Variants in FAM20A observed in about 807,000 individuals in gnomAD.
FAM20A encodes FAM20A golgi associated secretory pathway pseudokinase.
Under a neutral mutation model 52.0 loss-of-function variants are expected in FAM20A, and 42 were observed. The ratio of observed to expected loss-of-function variants is 0.81; its 90% CI spans 0.63 to 1.04. The LOEUF is 1.04. Ranked by LOEUF, FAM20A falls within the 50% of genes least tolerant of loss-of-function variation. FAM20A has a pLI of 0.00. For missense variants in FAM20A, 742 were observed against 712.7 expected, an observed-to-expected ratio of 1.04 and a Z score of -0.47; for synonymous variants, 304 against 298.9, an observed-to-expected ratio of 1.02 and a Z score of -0.18.
chr17:68,545,529 T>A (rs2907375), intron 4 of FAM20A, among the ~76,000 whole-genome samples: 38,879 of 152,210 alleles, frequency 0.26, 5,651 homozygotes, highest in East Asian at 0.55. Context: ...GCTAACACTC[T>A]TCTGAGCCTT....
At chr17:68,546,289 C>T (rs961206202) in intron 4 of FAM20A, among the ~76,000 whole-genome samples, 4 of 151,820 alleles carry the variant, frequency 2.6e-5, no homozygotes. Context: ...TCTTTTATTT[C>T]CACATCTGCA....
intron 1 of FAM20A, among the ~76,000 whole-genome samples, chr17:68,577,040 C>T (rs1598060661): frequency 6.6e-6 from 1 of 152,198 alleles, no homozygotes; most frequent in African/African-American, 2.4e-5. Context: ...TGCCTTCTAT[C>T]CGGGCCAAGT....
At chr17:68,588,892 G>A (rs917132573) in intron 1 of FAM20A, among the ~76,000 whole-genome samples, 1 of 152,146 alleles carries the variant, frequency 6.6e-6, no homozygotes, top group African/African-American at 2.4e-5. Context: ...CATATGGCAC[G>A]GGGTCTTACC....
intron 1 of FAM20A, among the ~76,000 whole-genome samples, chr17:68,593,542 G>C (rs2088368338): frequency 6.6e-6 from 1 of 152,182 alleles, no homozygotes; most frequent in South Asian, 2.1e-4. Flanking sequence ...GAATGTCTCA[G>C]CAGGGTGGTT....
intron 1 of FAM20A, chr17:68,558,309 C>T (rs2087112423): frequency 2.3e-6 from 1 of 437,788 alleles, no homozygotes; most frequent in Non-Finnish European, 4.6e-6. Flanking sequence ...TTGTGAGATC[C>T]TAGCAGAAAA....
chr17:68,550,389 T>C (rs943925631), intron 4 of FAM20A, among the ~76,000 whole-genome samples: 13 of 138,862 alleles, frequency 9.4e-5, no homozygotes, highest in Non-Finnish European at 1.8e-4. Context: ...TTTTTTTTTT[T>C]TTTTTTTAAG....
rs2088614258 is a variant in FAM20A at position 68,601,178 on chromosome 17, C to T, written c.-512G>A. On this transcript the variant is annotated 5_prime_UTR_variant, in exon 1 of 11. Coordinates refer to ENST00000592554, the MANE Select transcript of FAM20A (RefSeq NM_017565.4). The stretch of plus-strand genomic sequence containing the variant: ...CTCCTCCTGCGGGCGGCGGAGACGC[C>T]AGTGCCGGCGGCTGGCACGGGCGGC... 6.5e-6 allele frequency: 1 copy of T among 152,868 alleles called. No homozygotes were observed. Among genetic ancestry groups the T allele is most frequent in the Non-Finnish European group, 1.5e-5 (1 of 68,648 alleles). The allele number at this position is 152,868 out of a possible 1,614,324, so 9.5% of individuals were successfully genotyped here.
chr17:68,556,112 C>T (rs2087043036), intron 1 of FAM20A, among the ~76,000 whole-genome samples: 1 of 152,188 alleles, frequency 6.6e-6, no homozygotes, highest in Non-Finnish European at 1.5e-5. Flanking sequence ...TCTTTATGCA[C>T]TTTCTCATTA....
Position 68,542,161 on chromosome 17 carries a change from G to C in FAM20A, c.933C>G (p.Ser311Arg). The C allele has an allele frequency of 6.2e-7, 1 of 1,613,894 alleles. No individual in the cohort carries two copies. Among genetic ancestry groups the C allele is most frequent in the Non-Finnish European group, 8.5e-7 (1 of 1,180,010 alleles). Residue 311 changes from serine to arginine, a missense_variant, in exon 7 of 11, where the codon AGC becomes AGG. Ser to Arg is a moderately radical substitution (Grantham distance 110). Transcript: ENST00000592554. Reference protein sequence around the residue: ...LQSVFFVSPASNVCFFAKCPY... With the variant: ...LQSVFFVSPARNVCFFAKCPY... ...GACACTTGGCGAAGAAGCACACGTT[G>C]CTCGCTGGAGGATGGGGAGGAGAGA...
intron 1 of FAM20A, among the ~76,000 whole-genome samples, chr17:68,572,036 A>ATATATG (rs2087577878): frequency 8.8e-6 from 1 of 114,040 alleles, no homozygotes; most frequent in Admixed American, 9.2e-5. Context: ...ATATATATAT[A>ATATATG]TATATGTAGC....
chr17:68,578,477 T>C lies in FAM20A; in HGVS notation c.404+21786A>G, dbSNP rs1054919410. Among the ~76,000 whole-genome samples the C allele has an allele frequency of 3.3e-5, 5 of 152,228 alleles. No individual in the cohort carries two copies. In the East Asian group the frequency reaches 7.7e-4, roughly 23 times the overall value. The stretch of plus-strand genomic sequence containing the variant: ...CAAACCAAGAGAATGATAGCAAATG[T>C]TGGCCTCCTTTCCTCCTCAGCATGA... On this transcript the variant is annotated intron_variant, in intron 1 of 10. Transcript: ENST00000592554.
At chr17:68,585,955 T>G (rs1292991102) in intron 1 of FAM20A, among the ~76,000 whole-genome samples, 1 of 152,200 alleles carries the variant, frequency 6.6e-6, no homozygotes, top group Non-Finnish European at 1.5e-5. Context: ...ATCTGCCTAG[T>G]CACTACCAGG....
At chr17:68,554,635 G>C in intron 3 of FAM20A, 142 bp downstream of exon 3, 1 of 805,172 alleles carries the variant, frequency 1.2e-6, no homozygotes, top group Non-Finnish European at 2.1e-6. Flanking sequence ...GGGTGGATGG[G>C]GAGAAACGTT....
chr17:68,555,015 C>G (rs915436964), intron 2 of FAM20A, among the ~76,000 whole-genome samples, 188 bp from the exon 3 acceptor site: 1 of 152,170 alleles, frequency 6.6e-6, no homozygotes, highest in Non-Finnish European at 1.5e-5. Context: ...TGCTGTGTCC[C>G]AGACCCCTGC....
Position 68,537,827 on chromosome 17 carries a change from T to A in FAM20A, c.1362-86A>T. ...CTTCTTTCCCCACAAACAGCTGTTGTAGCTGATACTCTTGGCGCCTCTCCT... is the reference window on the plus strand; with the variant it reads ...CTTCTTTCCCCACAAACAGCTGTTGAAGCTGATACTCTTGGCGCCTCTCCT... On this transcript the variant is annotated intron_variant, in intron 10 of 10. Transcript: ENST00000592554. The surrounding 1 kb of genome is among the most constrained non-coding windows in gnomAD (Gnocchi z 4.2). 2 of 1,428,050 alleles carry A rather than the reference T, an allele frequency of 1.4e-6. No homozygotes were observed. Among genetic ancestry groups the A allele is most frequent in the Non-Finnish European group, 1.9e-6 (2 of 1,040,904 alleles). The allele number at this position is 1,428,050 out of a possible 1,614,324, so 88.5% of individuals were successfully genotyped here.
rs1267979975 is a variant in FAM20A, at chr17:68,536,127, G to T, written c.*1350C>A. On this transcript the variant is annotated 3_prime_UTR_variant, in exon 11 of 11. Coordinates refer to ENST00000592554, the MANE Select transcript of FAM20A (RefSeq NM_017565.4). ...ATACCAGTCATGTGGGGGTACCACGGGGTCAGAAGTGTTATTTGTCCAGTC... is the reference window on the plus strand; with the variant it reads ...ATACCAGTCATGTGGGGGTACCACGTGGTCAGAAGTGTTATTTGTCCAGTC... 2.2e-6 allele frequency: 1 copy of T among 453,964 alleles called. No individual in the cohort carries two copies. The highest frequency in any genetic ancestry group is 2.0e-5 in the African/African-American group (1 of 49,998). 28.1% of individuals were successfully genotyped at this position (453,964 alleles called of 1,614,324 possible).
intron 1 of FAM20A, chr17:68,598,284 TG>T (rs2088512590): frequency 6.6e-6 from 1 of 152,142 alleles, no homozygotes. Flanking sequence ...CGATTACAGG[TG>T]TGAGCCACCC....
Position 68,536,881 on chromosome 17 carries a change from G to T in FAM20A, c.*596C>A. 2.2e-6 allele frequency: 1 copy of T among 454,020 alleles called. No homozygotes were observed. The highest frequency in any genetic ancestry group is 1.6e-5 in the South Asian group (1 of 64,472). The allele number at this position is 454,020 out of a possible 1,614,324, so 28.1% of individuals were successfully genotyped here. On this transcript the variant is annotated 3_prime_UTR_variant, in exon 11 of 11. Coordinates refer to ENST00000592554, the MANE Select transcript of FAM20A (RefSeq NM_017565.4). Reference sequence around the variant, plus strand: ...AATCCCTCTTTTATTTTTGCCACTTGTTATAATATCTCTAAGAAGTTACTC... The same window carrying T: ...AATCCCTCTTTTATTTTTGCCACTTTTTATAATATCTCTAAGAAGTTACTC...
Position 68,600,202 on chromosome 17 carries a change from G to C in FAM20A, c.404+61C>G. 1 of 1,531,332 alleles carries C rather than the reference G, an allele frequency of 6.5e-7. No homozygotes were observed. The highest frequency in any genetic ancestry group is 8.8e-7 in the Non-Finnish European group (1 of 1,138,008). The allele number at this position is 1,531,332 out of a possible 1,614,324, so 94.9% of individuals were successfully genotyped here. On this transcript the variant is annotated intron_variant, in intron 1 of 10. Coordinates refer to ENST00000592554, the MANE Select transcript of FAM20A (RefSeq NM_017565.4). This position sits in a 1 kb window ranked among gnomAD's most constrained non-coding sequence, Gnocchi z 6.2. ...CGGGGGCGTCAGGAAACTCGAGACT[G>C]GGGCGCGGGGAGGCCCCGGCCAGAG...
Sources: allele counts gnomAD v4.1 joint callset (sites outside exome capture counted in the v4.1 genomes callset), GRCh38; gene constraint gnomAD v4.1.1; non-coding constraint Gnocchi (gnomAD v3.1); transcripts MANE v1.5; gene names NCBI Gene and HGNC (gene_info 2026-07-23, HGNC 2026-07-21).